MYO5A: variants seen among roughly 807,000 people sequenced by gnomAD.
MYO5A encodes unconventional myosin-Va.
In MYO5A, 98 loss-of-function variants were observed where a neutral mutation model predicts 249.7. The ratio of observed to expected loss-of-function variants is 0.39; its 90% CI spans 0.33 to 0.46. MYO5A has a LOEUF of 0.46. Ranked by LOEUF, MYO5A falls within the 20% of genes least tolerant of loss-of-function variation. MYO5A has a pLI of 0.98. For missense variants in MYO5A, 1,696 were observed against 2,308.8 expected, an observed-to-expected ratio of 0.73 and a Z score of 5.44; for synonymous variants, 778 against 810.6, an observed-to-expected ratio of 0.96 and a Z score of 0.68.
chr15:52,315,975 C>T (rs2037987482), intron 40 of MYO5A, among the ~76,000 whole-genome samples: 2 of 152,120 alleles, frequency 1.3e-5, no homozygotes, highest in South Asian at 4.2e-4. Context: ...TGGCTCACGC[C>T]TGTAATCCCA....
chr15:52,325,978 A>C (rs1385039486), intron 36 of MYO5A, among the ~76,000 whole-genome samples: 1 of 152,200 alleles, frequency 6.6e-6, no homozygotes, highest in Non-Finnish European at 1.5e-5. Context: ...AACAAGTTGA[A>C]CTCAAAGCTA....
In MYO5A at chr15:52,504,164, T is replaced by C. The variant is rs2077217034; in HGVS notation, c.27+24616A>G. The stretch of plus-strand genomic sequence containing the variant: ...ACTTGGGATATCCTAGAAACAACCA[T>C]GGTTAGAAAACTGATATGTTTCTAC... On this transcript the variant is annotated intron_variant, in intron 1 of 41. Transcript: ENST00000399233. Among the ~76,000 whole-genome samples the C allele has an allele frequency of 2.7e-5, 4 of 150,154 alleles. No individual in the cohort carries two copies. The South Asian group carries it at 8.7e-4, about 33-fold the overall frequency.
At chr15:52,445,708 G>A (rs1347598397) in intron 1 of MYO5A, among the ~76,000 whole-genome samples, 3 of 152,174 alleles carry the variant, frequency 2.0e-5, no homozygotes, top group African/African-American at 4.8e-5. Flanking sequence ...ACGGAAATGT[G>A]GAACTTAGTG....
At chr15:52,417,082 G>A (rs1355317787) in intron 4 of MYO5A, among the ~76,000 whole-genome samples, 2 of 152,154 alleles carry the variant, frequency 1.3e-5, no homozygotes, top group Non-Finnish European at 2.9e-5. Flanking sequence ...AGGAACATAA[G>A]AATGATATTT....
intron 1 of MYO5A, among the ~76,000 whole-genome samples, chr15:52,512,129 C>T (rs1426079005): frequency 6.7e-6 from 1 of 148,306 alleles, no homozygotes; most frequent in African/African-American, 2.5e-5. Flanking sequence ...CGCCACTGCA[C>T]TCCAGCCTAG....
At chr15:52,319,922 AGT>A (rs1180577386) in intron 38 of MYO5A, among the ~76,000 whole-genome samples, 1 of 152,216 alleles carries the variant, frequency 6.6e-6, no homozygotes, top group East Asian at 1.9e-4. Context: ...TGATAGAACA[AGT>A]GTGTGTGTCT....
At chr15:52,369,679 A>T (rs2041000403) in intron 22 of MYO5A, among the ~76,000 whole-genome samples, 1 of 152,104 alleles carries the variant, frequency 6.6e-6, no homozygotes, top group Non-Finnish European at 1.5e-5. Flanking sequence ...ATGTTCCATT[A>T]TTAGAACACT....
chr15:52,438,866 CA>C (rs1457600993), intron 1 of MYO5A, among the ~76,000 whole-genome samples: 1 of 152,248 alleles, frequency 6.6e-6, no homozygotes, highest in East Asian at 1.9e-4. Flanking sequence ...CGCCGTCCAC[CA>C]CTGCTGTTTG....
intron 22 of MYO5A, among the ~76,000 whole-genome samples, chr15:52,368,659 C>T (rs1308403582): frequency 6.6e-6 from 1 of 152,192 alleles, no homozygotes; most frequent in Non-Finnish European, 1.5e-5. Flanking sequence ...AAACCCAGCG[C>T]TTTGTGAGAC....
chr15:52,505,934 C>A, intron 1 of MYO5A: 1 of 1,388,146 alleles, frequency 7.2e-7, no homozygotes, highest in Non-Finnish European at 9.6e-7. Flanking sequence ...AGACTCTTGG[C>A]TGGGCGCAGT....
At chr15:52,517,129 C>T (rs950885491) in intron 1 of MYO5A, among the ~76,000 whole-genome samples, 1 of 152,190 alleles carries the variant, frequency 6.6e-6, no homozygotes, top group African/African-American at 2.4e-5. Flanking sequence ...AGAAGTGGGA[C>T]ATCTGGTCAC....
At chr15:52,497,555 G>A (rs887181394) in intron 1 of MYO5A, among the ~76,000 whole-genome samples, 3 of 150,940 alleles carry the variant, frequency 2.0e-5, no homozygotes, top group South Asian at 4.2e-4. Context: ...TCAGGAGTTC[G>A]TGACCAGCCT....
Position 52,445,071 on chromosome 15 carries a change from G to A in MYO5A, c.28-11786C>T, listed in dbSNP as rs534413327. 1.1e-4 allele frequency among the ~76,000 whole-genome samples: 16 copies of A among 152,196 alleles called. No individual in the cohort carries two copies. In the South Asian group the frequency reaches 1.7e-3, roughly 16 times the overall value. ...CACTTCTAGGTCTTTTGCTAACTTGGGAAATGACACAGTTTGGATATTTGT... is the reference window on the plus strand; with the variant it reads ...CACTTCTAGGTCTTTTGCTAACTTGAGAAATGACACAGTTTGGATATTTGT... On this transcript the variant is annotated intron_variant, in intron 1 of 41. Coordinates refer to ENST00000399233, the MANE Select transcript of MYO5A (RefSeq NM_001382347.1).
intron 29 of MYO5A, 28 bp downstream of exon 29, chr15:52,348,790 T>TAGG: frequency 7.6e-7 from 1 of 1,315,150 alleles, no homozygotes; most frequent in Non-Finnish European, 1.0e-6. Flanking sequence ...TAGAAGTATT[T>TAGG]ACTAAAAAAA....
intron 4 of MYO5A, among the ~76,000 whole-genome samples, chr15:52,423,034 TGTTA>T (rs1163214743): frequency 3.9e-5 from 6 of 152,154 alleles, no homozygotes; most frequent in African/African-American, 1.4e-4. Context: ...ATAGTTTTAT[TGTTA>T]ATCATGCCTG....
chr15:52,394,623 T>C (rs1567084485), intron 11 of MYO5A, among the ~76,000 whole-genome samples: 3 of 152,108 alleles, frequency 2.0e-5, no homozygotes, highest in Non-Finnish European at 4.4e-5. Flanking sequence ...AACAGGTGGA[T>C]AGAGACAGAC....
intron 1 of MYO5A, among the ~76,000 whole-genome samples, chr15:52,515,469 TAAC>T (rs1369254720): frequency 1.3e-5 from 2 of 152,058 alleles, no homozygotes; most frequent in Non-Finnish European, 2.9e-5. Context: ...GAAAAAGAAA[TAAC>T]AACAACAATG....
intron 7 of MYO5A, 31 bp downstream of exon 7, chr15:52,408,028 C>G: frequency 2.2e-6 from 3 of 1,362,880 alleles, no homozygotes; most frequent in Non-Finnish European, 3.1e-6. Flanking sequence ...AAAACAATAC[C>G]AGAACAATAA....
chr15:52,387,928 A>G lies in MYO5A; in HGVS notation c.1669-16T>C. ...GGTATTCCACCTGAAAACACATGGA[A>G]AAATCTCCTTAACTGATAAAACTTT... On this transcript the variant is annotated splice_polypyrimidine_tract_variant and intron_variant, in intron 13 of 41. Coordinates refer to ENST00000399233, the MANE Select transcript of MYO5A (RefSeq NM_001382347.1). The G allele has an allele frequency of 1.3e-6, 2 of 1,565,358 alleles. No homozygotes were observed. Among genetic ancestry groups the G allele is most frequent in the East Asian group, 4.5e-5 (2 of 44,526 alleles).
Sources: gnomAD v4.1 joint callset for allele counts (sites outside exome capture counted in the v4.1 genomes callset) on GRCh38, gnomAD v4.1.1 for gene constraint, MANE v1.5 for transcripts, NCBI Gene and HGNC (gene_info 2026-07-23, HGNC 2026-07-21) for gene names.